Variants in ZNF343 observed in about 807,000 individuals in gnomAD.
The protein encoded by ZNF343 is zinc finger protein 343.
ZNF343 carries 11 observed loss-of-function variants against 13.8 expected under a neutral mutation model. The ratio of observed to expected loss-of-function variants is 0.80; its 90% CI spans 0.50 to 1.32. The LOEUF (loss-of-function observed/expected upper bound fraction) is 1.32, where lower values mean the gene tolerates loss of function less well. ZNF343 is among the 40% of genes most tolerant of loss of function. ZNF343 has a pLI of 0.00. For missense variants in ZNF343, 658 were observed against 714.2 expected, an observed-to-expected ratio of 0.92 and a Z score of 0.90; for synonymous variants, 248 against 260.0, an observed-to-expected ratio of 0.95 and a Z score of 0.44.
At chr20:2,498,384 G>A (rs1547061) in intron 2 of ZNF343, among the ~76,000 whole-genome samples, 57,907 of 152,136 alleles carry the variant, frequency 0.38, 11,707 homozygotes, top group Non-Finnish European at 0.46. Context: ...CTTTGGTGCT[G>A]AAGAAGAGGC....
chr20:2,502,449 G>T (rs2085584991), intron 1 of ZNF343, among the ~76,000 whole-genome samples: 2 of 152,120 alleles, frequency 1.3e-5, no homozygotes, highest in South Asian at 4.1e-4. Flanking sequence ...TGAAATTCAG[G>T]AAATACAGAG....
intron 5 of ZNF343, among the ~76,000 whole-genome samples, chr20:2,487,809 C>A (rs1422677920): frequency 6.6e-6 from 1 of 152,228 alleles, no homozygotes; most frequent in African/African-American, 2.4e-5. Context: ...TGCCTATAGC[C>A]CTCAGCTTAG....
rs1300858370 is a variant in ZNF343 at position 2,518,280 on chromosome 20, G to C, written c.-347+6175C>G. On this transcript the variant is annotated intron_variant, in intron 1 of 6. Coordinates refer to the ZNF343 transcript ENST00000358413. The surrounding 1 kb of genome is among the most constrained non-coding windows in gnomAD (Gnocchi z 4.6). Reference sequence around the variant, plus strand: ...AGTTTGCCGACCTTGGCCTCCCAGAGTGTTAGAATTACAGGCGTGAGCCAC... The same window carrying C: ...AGTTTGCCGACCTTGGCCTCCCAGACTGTTAGAATTACAGGCGTGAGCCAC... Among the ~76,000 whole-genome samples the C allele has an allele frequency of 6.6e-6, 1 of 152,172 alleles. No individual in the cohort carries two copies. Among genetic ancestry groups the C allele is most frequent in the Non-Finnish European group, 1.5e-5 (1 of 68,040 alleles).
At chr20:2,505,372 C>T (rs1259445590) in intron 1 of ZNF343, among the ~76,000 whole-genome samples, 2 of 152,118 alleles carry the variant, frequency 1.3e-5, no homozygotes, top group Non-Finnish European at 2.9e-5. Context: ...GGCCATACTG[C>T]CCAAGGTAAT....
chr20:2,515,443 C>A (rs1002022075), intron 1 of ZNF343, among the ~76,000 whole-genome samples: 4 of 152,154 alleles, frequency 2.6e-5, no homozygotes, highest in African/African-American at 9.7e-5. Context: ...TTTGTGAAAT[C>A]AGCTCAGAAT....
chr20:2,499,483 A>G (rs865872826), intron 2 of ZNF343, among the ~76,000 whole-genome samples: 17 of 139,824 alleles, frequency 1.2e-4, no homozygotes, highest in African/African-American at 3.1e-4. Flanking sequence ...AAAAAAAAAA[A>G]AAAAAAAAGA....
At chr20:2,514,008 G>A (rs1355367636) in intron 1 of ZNF343, among the ~76,000 whole-genome samples, 4 of 152,182 alleles carry the variant, frequency 2.6e-5, no homozygotes. Flanking sequence ...AATGGGCACA[G>A]GATTCCCTTT....
chr20:2,524,998 C>A (rs1600086357), upstream of ZNF343, among the ~76,000 whole-genome samples: 1 of 152,230 alleles, frequency 6.6e-6, no homozygotes, highest in African/African-American at 2.4e-5. Context: ...CCCGGCTTCC[C>A]GCTCCTGAGG....
intron 1 of ZNF343, among the ~76,000 whole-genome samples, chr20:2,522,810 G>A (rs769733426): frequency 1.3e-5 from 2 of 152,236 alleles, no homozygotes; most frequent in South Asian, 4.1e-4. Context: ...AATTAGCCAG[G>A]TGTAGTAGCT....
intron 5 of ZNF343, among the ~76,000 whole-genome samples, chr20:2,489,367 T>C (rs922576380): frequency 6.6e-6 from 1 of 152,216 alleles, no homozygotes; most frequent in Admixed American, 6.5e-5. Flanking sequence ...TACCCTCTTG[T>C]AGCAAACTGT....
upstream of ZNF343, among the ~76,000 whole-genome samples, chr20:2,512,107 T>G (rs975442876): frequency 3.3e-5 from 5 of 152,242 alleles, no homozygotes; most frequent in African/African-American, 1.2e-4. Context: ...GGAATAACTT[T>G]AACCAGGAAG....
chr20:2,505,768 T>C (rs935716467), intron 1 of ZNF343, among the ~76,000 whole-genome samples: 4 of 152,178 alleles, frequency 2.6e-5, no homozygotes, highest in Non-Finnish European at 5.9e-5. Context: ...GATCCCTTCC[T>C]TACACCTTAT....
Position 2,518,727 on chromosome 20 carries a change from A to G in ZNF343, c.-347+5728T>C, listed in dbSNP as rs531639465. Among the ~76,000 whole-genome samples the G allele has an allele frequency of 1.3e-5, 2 of 151,608 alleles. No individual in the cohort carries two copies. Among genetic ancestry groups the G allele is most frequent in the African/African-American group, 2.4e-5 (1 of 41,292 alleles). On this transcript the variant is annotated intron_variant, in intron 1 of 6. Transcript: ENST00000358413. This position sits in a 1 kb window ranked among gnomAD's most constrained non-coding sequence, Gnocchi z 4.6. ...TCTGACAATCACCCACACACCACCT[A>G]CCTCTCCCCTGTAAACCATTCAGTG...
intron 4 of ZNF343, among the ~76,000 whole-genome samples, chr20:2,493,318 A>T (rs1345156595): frequency 2.0e-5 from 3 of 152,106 alleles, no homozygotes; most frequent in Admixed American, 2.0e-4. Flanking sequence ...CATTTTTTAA[A>T]AGCTCAGGTT....
chr20:2,494,193 C>A, intron 2 of ZNF343, 149 bp from the exon 3 acceptor site: 1 of 321,822 alleles, frequency 3.1e-6, no homozygotes, highest in Non-Finnish European at 5.7e-6. Flanking sequence ...GGATTTTCTA[C>A]CTTCATTCAC....
At chr20:2,503,219 T>A (rs1052346526) in intron 1 of ZNF343, among the ~76,000 whole-genome samples, 4 of 152,080 alleles carry the variant, frequency 2.6e-5, no homozygotes, top group Non-Finnish European at 5.9e-5. Flanking sequence ...ACAAGACCAT[T>A]ACATAATGGT....
At position 2,483,715 on chromosome 20, in the gene ZNF343, G is replaced by A. The variant is rs936793364; in HGVS notation, c.1246C>T (p.Arg416Ter). Residue 416 changes from arginine to a stop codon, truncating the protein, a stop_gained, in exon 6 of 6, where the codon CGA (arginine) becomes TGA (stop). Transcript: ENST00000278772. LOFTEE classifies it low-confidence loss of function (END_TRUNC). ...AGATCTGAGTTCTGGCTAAAGCCTC[G>A]CCCACACTCCCTGCAAACATAAGGC... ...EKPYVCRECG[R>*]GFSQNSDLIK... The A allele has an allele frequency of 9.3e-6, 15 of 1,613,762 alleles. No individual in the cohort carries two copies. Among genetic ancestry groups the A allele is most frequent in the East Asian group, 8.9e-5 (4 of 44,882 alleles).
Position 2,489,270 on chromosome 20 carries a change from T to C in ZNF343, c.304+3429A>G, listed in dbSNP as rs187838526. ...TGAATGATAATGCAAGCTGGTAATG[T>C]GTTAATAACTATTAAGTCTAGATAA... On this transcript the variant is annotated intron_variant, in intron 5 of 5. Coordinates refer to ENST00000278772, the MANE Select transcript of ZNF343 (RefSeq NM_024325.6). Among the ~76,000 whole-genome samples, 79 of 152,332 alleles carry C rather than the reference T, an allele frequency of 5.2e-4. 2 individuals carry two copies. In the East Asian group the frequency reaches 0.015, roughly 29 times the overall value.
chr20:2,523,195 T>C (rs1164652169), intron 1 of ZNF343, among the ~76,000 whole-genome samples: 1 of 152,218 alleles, frequency 6.6e-6, no homozygotes, highest in Non-Finnish European at 1.5e-5. Context: ...AGTTTACAGA[T>C]GCCATGGCAA....
Sources: allele counts gnomAD v4.1 joint callset (sites outside exome capture counted in the v4.1 genomes callset), GRCh38; gene constraint gnomAD v4.1.1; non-coding constraint Gnocchi (gnomAD v3.1); transcripts MANE v1.5; gene names NCBI Gene and HGNC (gene_info 2026-07-23, HGNC 2026-07-21).